Variants in TLE4 observed in about 807,000 individuals in gnomAD.
The protein encoded by TLE4 is TLE family member 4, transcriptional corepressor.
In TLE4, 8 loss-of-function variants were observed where a neutral mutation model predicts 92.8. The ratio of observed to expected loss-of-function variants is 0.09; its 90% CI spans 0.05 to 0.16. The LOEUF (loss-of-function observed/expected upper bound fraction) is 0.16, where lower values mean the gene tolerates loss of function less well. TLE4 is among the 10% of genes least tolerant of loss of function. The probability of loss-of-function intolerance (pLI) is 1.00; values close to 1 mark genes in which losing one functional copy is unlikely to be tolerated. For missense variants in TLE4, 675 were observed against 997.6 expected, an observed-to-expected ratio of 0.68 and a Z score of 4.36; for synonymous variants, 371 against 374.1, an observed-to-expected ratio of 0.99 and a Z score of 0.10.
rs761902780 is a variant in TLE4, at chr9:79,706,942, A to C, written c.936+43A>C. 4 of 1,591,342 alleles carry C rather than the reference A, an allele frequency of 2.5e-6. No individual in the cohort carries two copies. In the African/African-American group the frequency reaches 5.4e-5, roughly 22 times the overall value. On this transcript the variant is annotated intron_variant, in intron 11 of 19. Transcript: ENST00000376552. Reference sequence around the variant, plus strand: ...ATCTCTCTGAGTGTGGCCTCTGCCAATTTGATGTTTGAATTTGATGTTTTT... The same window carrying C: ...ATCTCTCTGAGTGTGGCCTCTGCCACTTTGATGTTTGAATTTGATGTTTTT...
At chr9:79,688,578 A>AT (rs1298503728) in intron 8 of TLE4, among the ~76,000 whole-genome samples, 1 of 151,866 alleles carries the variant, frequency 6.6e-6, no homozygotes, top group Non-Finnish European at 1.5e-5. Flanking sequence ...TTAAGAAATT[A>AT]TTTCTTTATT....
rs116575488 is a variant in TLE4 at position 79,586,843 on chromosome 9, G to T, written c.252+10666G>T. Reference sequence around the variant, plus strand: ...TAATTTTTAAGAGTACATAGTAGGTGTATGTATTTATGGGGTAAATGAACT... The same window carrying T: ...TAATTTTTAAGAGTACATAGTAGGTTTATGTATTTATGGGGTAAATGAACT... On this transcript the variant is annotated intron_variant, in intron 4 of 19. Coordinates refer to ENST00000376552, the MANE Select transcript of TLE4 (RefSeq NM_007005.6). 2.9e-3 allele frequency among the ~76,000 whole-genome samples: 437 copies of T among 152,290 alleles called. 2 individuals are homozygous for T. Among genetic ancestry groups the T allele is most frequent in the African/African-American group, 9.9e-3 (413 of 41,544 alleles).
chr9:79,583,257 T>C (rs2040176971), intron 4 of TLE4, among the ~76,000 whole-genome samples: 2 of 152,160 alleles, frequency 1.3e-5, no homozygotes, highest in Admixed American at 6.5e-5. Context: ...CCTTATTCCA[T>C]CCAGGGGTGA....
intron 4 of TLE4, among the ~76,000 whole-genome samples, chr9:79,610,684 T>C (rs1258230443): frequency 6.6e-6 from 1 of 152,072 alleles, no homozygotes; most frequent in East Asian, 1.9e-4. Context: ...GTTGTGTGTG[T>C]GTTAACCTAT....
At chr9:79,573,306 C>A in intron 1 of TLE4, 2 of 1,043,144 alleles carry the variant, frequency 1.9e-6, no homozygotes, top group South Asian at 6.6e-5. Flanking sequence ...CTCCCTCCTC[C>A]CCCGGCCTGA....
Position 79,636,446 on chromosome 9 carries a change from T to C in TLE4, c.390+8998T>C, listed in dbSNP as rs535531107. ...CCTTTCTGCTGTCACATACCACTTA[T>C]GTTCTTCATTCAGCTGTCCTTAAGC... On this transcript the variant is annotated intron_variant, in intron 6 of 19. Transcript: ENST00000376552. Among the ~76,000 whole-genome samples the C allele has an allele frequency of 2.6e-5, 4 of 152,256 alleles. No homozygotes were observed. In the East Asian group the frequency reaches 5.8e-4, roughly 22 times the overall value.
chr9:79,574,530 T>C (rs1003089532), intron 2 of TLE4, among the ~76,000 whole-genome samples: 2 of 152,216 alleles, frequency 1.3e-5, no homozygotes, highest in African/African-American at 4.8e-5. Flanking sequence ...TTTGTGCTTG[T>C]ATGTGCAGTC....
intron 5 of TLE4, among the ~76,000 whole-genome samples, chr9:79,615,904 A>T (rs2049467232): frequency 6.6e-6 from 1 of 152,280 alleles, no homozygotes; most frequent in East Asian, 1.9e-4. Context: ...GATATTGCCA[A>T]CTCTTGTCAT....
chr9:79,616,219 T>A (rs910524724), intron 5 of TLE4, among the ~76,000 whole-genome samples: 2 of 152,132 alleles, frequency 1.3e-5, no homozygotes, highest in African/African-American at 4.8e-5. Context: ...TGGATCTGGG[T>A]CCTGGCCTCC....
intron 5 of TLE4, among the ~76,000 whole-genome samples, chr9:79,621,184 TGAAAA>T (rs1472654191): frequency 6.6e-6 from 1 of 152,220 alleles, no homozygotes; most frequent in Non-Finnish European, 1.5e-5. Flanking sequence ...ATAGAGTTGC[TGAAAA>T]AGGCTTTTAG....
Position 79,684,711 on chromosome 9 carries a change from A to G in TLE4, c.610-20072A>G, listed in dbSNP as rs2065448893. On this transcript the variant is annotated intron_variant, in intron 8 of 19. Transcript: ENST00000376552. ...AGCTCAACTGACCAGGCTCTCCCTCATGTATCTATGGTATCCCTCTAGCAG... is the reference window on the plus strand; with the variant it reads ...AGCTCAACTGACCAGGCTCTCCCTCGTGTATCTATGGTATCCCTCTAGCAG... Among the ~76,000 whole-genome samples the G allele has an allele frequency of 3.3e-5, 5 of 152,124 alleles. No homozygotes were observed. In the South Asian group the frequency reaches 1.0e-3, roughly 31 times the overall value.
chr9:79,637,439 C>G (rs2056156676), intron 6 of TLE4, among the ~76,000 whole-genome samples: 1 of 152,150 alleles, frequency 6.6e-6, no homozygotes. Context: ...ACACATTTAA[C>G]CATTATGCTA....
chr9:79,677,710 T>C (rs1462334477), intron 8 of TLE4, among the ~76,000 whole-genome samples: 1 of 152,016 alleles, frequency 6.6e-6, no homozygotes, highest in African/African-American at 2.4e-5. Context: ...TAATTGAGCT[T>C]ATACTATTCC....
At chr9:79,621,749 T>C (rs1322213173) in intron 5 of TLE4, among the ~76,000 whole-genome samples, 1 of 152,108 alleles carries the variant, frequency 6.6e-6, no homozygotes, top group African/African-American at 2.4e-5. Context: ...GATTGGTTGG[T>C]TGGTTGATTG....
chr9:79,706,533 TG>T (rs1021885112), intron 10 of TLE4, among the ~76,000 whole-genome samples: 1 of 152,140 alleles, frequency 6.6e-6, no homozygotes, highest in Non-Finnish European at 1.5e-5. Flanking sequence ...GATTTTTCTT[TG>T]GGTTTTAAAT....
rs146930829 is a variant in TLE4 at position 79,703,242 on chromosome 9, G to C, written c.610-1541G>C. 3.6e-3 allele frequency among the ~76,000 whole-genome samples: 541 copies of C among 152,194 alleles called. 3 individuals carry two copies. Among genetic ancestry groups the C allele is most frequent in the Non-Finnish European group, 5.9e-3 (403 of 68,008 alleles). On this transcript the variant is annotated intron_variant, in intron 8 of 19. Coordinates refer to ENST00000376552, the MANE Select transcript of TLE4 (RefSeq NM_007005.6). ...AGATATTCTTTCTACTACTCTCCAAGATCAGCCCTTTGTTACCCTGGGTTA... is the reference window on the plus strand; with the variant it reads ...AGATATTCTTTCTACTACTCTCCAACATCAGCCCTTTGTTACCCTGGGTTA...
intron 8 of TLE4, 49 bp downstream of exon 8, chr9:79,654,124 A>G (rs201850250): frequency 1.4e-5 from 22 of 1,541,636 alleles, no homozygotes; most frequent in Non-Finnish European, 2.0e-5. Flanking sequence ...AGGGCTGTAA[A>G]TGATTTGAAT....
intron 8 of TLE4, chr9:79,693,739 G>T (rs1271305868): frequency 4.2e-6 from 2 of 475,332 alleles, no homozygotes; most frequent in African/African-American, 2.0e-5. Context: ...ATTAAAAAGT[G>T]CATCATGTCC....
intron 11 of TLE4, 129 bp downstream of exon 11, chr9:79,707,028 A>G (rs2071783595): frequency 6.4e-7 from 1 of 1,566,018 alleles, no homozygotes; most frequent in Non-Finnish European, 8.7e-7. Context: ...TATGTTCGGT[A>G]TTTAAGTTTA....
Sources: allele counts gnomAD v4.1 joint callset (sites outside exome capture counted in the v4.1 genomes callset), GRCh38; gene constraint gnomAD v4.1.1; transcripts MANE v1.5; gene names NCBI Gene and HGNC (gene_info 2026-07-23, HGNC 2026-07-21).